Variants in MEIS1 observed in about 807,000 individuals in gnomAD.
MEIS1 encodes the protein Meis homeobox 1.
MEIS1 carries 5 observed loss-of-function variants against 50.8 expected under a neutral mutation model. The ratio of observed to expected loss-of-function variants is 0.10; its 90% CI spans 0.05 to 0.21. MEIS1 has a LOEUF of 0.21. Among genes scored for constraint, MEIS1 ranks in the 10% least tolerant of loss-of-function variants. The pLI is 1.00. For synonymous variants in MEIS1, 176 were observed against 179.3 expected (o/e 0.98, Z 0.15); for missense variants, 318 against 517.3 (o/e 0.61, Z 3.74).
intron 7 of MEIS1, among the ~76,000 whole-genome samples, chr2:66,491,109 C>T (rs1232933439): frequency 6.6e-6 from 1 of 151,980 alleles, no homozygotes; most frequent in African/African-American, 2.4e-5. Context: ...ATAAAACAGG[C>T]CTAGTCCAAT....
intron 7 of MEIS1, among the ~76,000 whole-genome samples, chr2:66,506,730 A>G (rs549442243): frequency 8.9e-4 from 135 of 152,294 alleles, no homozygotes; most frequent in Non-Finnish European, 1.3e-3. Context: ...CTGGTTCCTG[A>G]AGAAGGGATG....
intron 7 of MEIS1, among the ~76,000 whole-genome samples, chr2:66,476,014 G>A (rs1035748292): frequency 6.6e-6 from 1 of 152,122 alleles, no homozygotes. Flanking sequence ...TCTCTGGTGG[G>A]TTCGCCTCAT....
At chr2:66,549,692 T>C (rs1281892912) in intron 9 of MEIS1, among the ~76,000 whole-genome samples, 1 of 152,090 alleles carries the variant, frequency 6.6e-6, no homozygotes, top group Non-Finnish European at 1.5e-5. Flanking sequence ...GTGTTCCTGT[T>C]TGCGGGCAAA....
At chr2:66,489,993 T>C (rs993049417) in intron 7 of MEIS1, among the ~76,000 whole-genome samples, 1 of 152,200 alleles carries the variant, frequency 6.6e-6, no homozygotes, top group Non-Finnish European at 1.5e-5. Flanking sequence ...AAAATATAGT[T>C]TGGATTGCAT....
intron 7 of MEIS1, among the ~76,000 whole-genome samples, chr2:66,471,772 G>A (rs1672765914): frequency 6.6e-6 from 1 of 152,144 alleles, no homozygotes; most frequent in Non-Finnish European, 1.5e-5. Flanking sequence ...CTAGCTAGAA[G>A]GGCATTCGCT....
intron 7 of MEIS1, among the ~76,000 whole-genome samples, chr2:66,468,772 T>C (rs955058547): frequency 1.3e-5 from 2 of 152,230 alleles, no homozygotes; most frequent in African/African-American, 4.8e-5. Flanking sequence ...GACCTAGCTG[T>C]GAATAAGATA....
At chr2:66,540,139 A>G (rs1443759549) in intron 8 of MEIS1, among the ~76,000 whole-genome samples, 1 of 152,162 alleles carries the variant, frequency 6.6e-6, no homozygotes, top group African/African-American at 2.4e-5. Context: ...AGCTAAGCAC[A>G]GCCCTTACTC....
chr2:66,477,357 G>C (rs542461986), intron 7 of MEIS1, among the ~76,000 whole-genome samples: 2 of 152,300 alleles, frequency 1.3e-5, no homozygotes, highest in South Asian at 4.1e-4. Context: ...TCAGAAGACT[G>C]ACTACACAGA....
intron 12 of MEIS1, 160 bp from the exon 13 acceptor site, chr2:66,571,086 C>T (rs1558568475): frequency 1.4e-6 from 1 of 719,022 alleles, no homozygotes; most frequent in South Asian, 2.4e-5. Context: ...TGATGTTTCT[C>T]ATTTTATTTT....
intron 3 of MEIS1, 157 bp from the exon 4 acceptor site, chr2:66,440,405 G>A (rs1671939704): frequency 7.3e-6 from 5 of 680,628 alleles, no homozygotes; most frequent in Non-Finnish European, 1.3e-5. Context: ...ATGTTTCTGC[G>A]CGGGACGAAC....
At chr2:66,568,127 T>C (rs1675396122) in intron 10 of MEIS1, 1 of 157,010 alleles carries the variant, frequency 6.4e-6, no homozygotes, top group South Asian at 1.9e-4. Flanking sequence ...TTAATAACAG[T>C]CTTTTTGTTT....
intron 8 of MEIS1, among the ~76,000 whole-genome samples, chr2:66,543,343 G>A (rs902133559): frequency 6.6e-6 from 1 of 152,176 alleles, no homozygotes; most frequent in East Asian, 1.9e-4. Flanking sequence ...CATGAAGAGT[G>A]GCAAGTGGTT....
intron 9 of MEIS1, among the ~76,000 whole-genome samples, chr2:66,567,132 A>G (rs1558566946): frequency 6.6e-6 from 1 of 152,184 alleles, no homozygotes; most frequent in Admixed American, 6.5e-5. Flanking sequence ...CTCTCTTTGC[A>G]AATGAAAGGA....
At chr2:66,541,823 G>T (rs1381331998) in intron 8 of MEIS1, among the ~76,000 whole-genome samples, 1 of 152,186 alleles carries the variant, frequency 6.6e-6, no homozygotes, top group African/African-American at 2.4e-5. Context: ...ATGCATTCAG[G>T]CTATGTTCTG....
chr2:66,482,684 A>G (rs953818828), intron 7 of MEIS1, among the ~76,000 whole-genome samples: 1 of 152,258 alleles, frequency 6.6e-6, no homozygotes, highest in African/African-American at 2.4e-5. Flanking sequence ...CTGGGATGAC[A>G]GAAATGAGTA....
chr2:66,560,135 A>C (rs1162442461), intron 9 of MEIS1, among the ~76,000 whole-genome samples: 1 of 134,970 alleles, frequency 7.4e-6, no homozygotes, highest in Non-Finnish European at 1.6e-5. Context: ...GGATGAAGTC[A>C]TTTCAAAATT....
chr2:66,478,067 G>A (rs1192996103), intron 7 of MEIS1, among the ~76,000 whole-genome samples: 3 of 152,144 alleles, frequency 2.0e-5, no homozygotes, highest in Non-Finnish European at 2.9e-5. Flanking sequence ...TCAAAGTAGC[G>A]TACTTCATTT....
intron 6 of MEIS1, among the ~76,000 whole-genome samples, chr2:66,457,691 C>T (rs1672424338): frequency 6.6e-6 from 1 of 152,208 alleles, no homozygotes; most frequent in African/African-American, 2.4e-5. Flanking sequence ...AGATGCACCC[C>T]CCCAGACAGT....
chr2:66,497,246 A>G (rs895938811), intron 7 of MEIS1, among the ~76,000 whole-genome samples: 1 of 152,238 alleles, frequency 6.6e-6, no homozygotes, highest in Non-Finnish European at 1.5e-5. Flanking sequence ...TTTAGCCTCA[A>G]GTCAGATCTG....
Sources: gnomAD v4.1 joint callset for allele counts (sites outside exome capture counted in the v4.1 genomes callset) on GRCh38, gnomAD v4.1.1 for gene constraint, MANE v1.5 for transcripts, NCBI Gene and HGNC (gene_info 2026-07-23, HGNC 2026-07-21) for gene names.